Variants in CD2 observed in about 807,000 individuals in gnomAD.
CD2 encodes T-cell surface antigen CD2.
A neutral mutation model predicts 23.2 loss-of-function variants in CD2; 18 were observed. That is an observed-to-expected ratio of 0.77 (90% CI 0.54 to 1.15). The LOEUF (loss-of-function observed/expected upper bound fraction) is 1.15. Ranked by LOEUF, CD2 falls within the 50% of genes most tolerant of loss-of-function variation. The pLI is 0.00. For synonymous variants in CD2, 162 were observed against 151.9 expected, an observed-to-expected ratio of 1.07 and a Z score of -0.49; for missense variants, 424 against 423.1, an observed-to-expected ratio of 1.00 and a Z score of -0.02.
chr1:116,759,558 G>A (rs562788847), intron 2 of CD2, among the ~76,000 whole-genome samples: 135 of 152,290 alleles, frequency 8.9e-4, no homozygotes, highest in Non-Finnish European at 1.6e-3. Flanking sequence ...ATCTCTGTGC[G>A]GGAGAGGCAA....
At chr1:116,757,377 G>A (rs1389214489) in intron 2 of CD2, among the ~76,000 whole-genome samples, 5 of 152,086 alleles carry the variant, frequency 3.3e-5, no homozygotes, top group Admixed American at 3.3e-4. Context: ...AGGCAATGGA[G>A]GGCCCCTTAG....
At chr1:116,764,456 A>G (rs1211594701) in intron 3 of CD2, 28 bp from the exon 4 acceptor site, 2 of 1,611,358 alleles carry the variant, frequency 1.2e-6, no homozygotes, top group Non-Finnish European at 1.7e-6. Context: ...GACCCCTCCC[A>G]GCCATCCCAC....
chr1:116,762,550 C>T (rs1262829999), intron 3 of CD2, among the ~76,000 whole-genome samples: 3 of 152,092 alleles, frequency 2.0e-5, no homozygotes, highest in Admixed American at 1.3e-4. Flanking sequence ...TTCTGAAAGG[C>T]CAAGGCAGAG....
intron 2 of CD2, among the ~76,000 whole-genome samples, chr1:116,758,189 T>TA (rs1211770097): frequency 6.6e-6 from 1 of 152,158 alleles, no homozygotes; most frequent in East Asian, 1.9e-4. Context: ...TAATCTGCTT[T>TA]AAACTTTTAA....
chr1:116,755,822 G>C (rs567965544), intron 2 of CD2, among the ~76,000 whole-genome samples: 2 of 152,154 alleles, frequency 1.3e-5, no homozygotes, highest in African/African-American at 4.8e-5. Context: ...GGTAGAGAAA[G>C]TGGAATCGAA....
intron 2 of CD2, among the ~76,000 whole-genome samples, chr1:116,758,083 T>TTA (rs962600095): frequency 2.6e-5 from 4 of 151,436 alleles, no homozygotes; most frequent in Non-Finnish European, 5.9e-5. Flanking sequence ...ATTATATTAT[T>TTA]TATATATATA....
At chr1:116,756,348 G>A (rs1035661957) in intron 2 of CD2, among the ~76,000 whole-genome samples, 1 of 152,196 alleles carries the variant, frequency 6.6e-6, no homozygotes, top group African/African-American at 2.4e-5. Context: ...GTCGCATTTA[G>A]CATTGCGGCG....
intron 2 of CD2, among the ~76,000 whole-genome samples, chr1:116,759,580 T>C (rs1651968542): frequency 6.6e-6 from 1 of 152,220 alleles, no homozygotes; most frequent in Non-Finnish European, 1.5e-5. Flanking sequence ...AGGTTTGTGA[T>C]TATCGAATGC....
intron 3 of CD2, among the ~76,000 whole-genome samples, chr1:116,760,949 C>G: frequency 6.6e-6 from 1 of 152,130 alleles, no homozygotes; most frequent in African/African-American, 2.4e-5. Flanking sequence ...GCCCCATTTT[C>G]CAGAGAGGGA....
intron 2 of CD2, among the ~76,000 whole-genome samples, chr1:116,756,868 T>C (rs879941332): frequency 6.6e-6 from 1 of 152,164 alleles, no homozygotes; most frequent in Non-Finnish European, 1.5e-5. Context: ...GCTTTTCCAA[T>C]GACAACTTCA....
intron 4 of CD2, among the ~76,000 whole-genome samples, chr1:116,767,963 G>C (rs903164302): frequency 6.6e-6 from 1 of 152,186 alleles, no homozygotes; most frequent in African/African-American, 2.4e-5. Flanking sequence ...AGGACAAAAA[G>C]TTCCTTGCAT....
At chr1:116,762,162 G>A (rs1652075500) in intron 3 of CD2, among the ~76,000 whole-genome samples, 2 of 152,188 alleles carry the variant, frequency 1.3e-5, no homozygotes, top group Non-Finnish European at 2.9e-5. Context: ...GCCAGATATA[G>A]CAAATAAAAA....
At chr1:116,762,762 T>C (rs1239415332) in intron 3 of CD2, among the ~76,000 whole-genome samples, 1 of 152,218 alleles carries the variant, frequency 6.6e-6, no homozygotes, top group Non-Finnish European at 1.5e-5. Context: ...TATTTTTGAC[T>C]GACAGTGCCA....
rs759509803 is a variant in CD2, at chr1:116,760,476, G to T, written c.457G>T (p.Asp153Tyr). 1 of 1,614,174 alleles carries T rather than the reference G, an allele frequency of 6.2e-7. No individual in the cohort carries two copies. The highest frequency in any genetic ancestry group is 2.2e-5 in the East Asian group (1 of 44,884). ...TLTCEVMNGT[D>Y]PELNLYQDGK... ...GACCTGTGAGGTAATGAATGGAACT[G>T]ACCCCGAATTAAACCTGTATCAAGA... Residue 153 changes from aspartate to tyrosine, a missense_variant, in exon 3 of 5, where the codon GAC (aspartate) becomes TAC (tyrosine). Coordinates refer to ENST00000369478, the MANE Select transcript of CD2 (RefSeq NM_001767.5).
chr1:116,757,331 T>A (rs565554565), intron 2 of CD2, among the ~76,000 whole-genome samples: 41 of 152,214 alleles, frequency 2.7e-4, no homozygotes, highest in African/African-American at 8.9e-4. Flanking sequence ...TGTGCCTGCA[T>A]TTCCTTCATG....
chr1:116,755,115 C>T (rs76905055), intron 2 of CD2, 164 bp downstream of exon 2: 13 of 612,514 alleles, frequency 2.1e-5, no homozygotes, highest in Middle Eastern at 4.4e-4. Context: ...TGGTCCAATG[C>T]GGGAATGGGA....
At chr1:116,764,217 G>A (rs1267670531) in intron 3 of CD2, among the ~76,000 whole-genome samples, 1 of 152,128 alleles carries the variant, frequency 6.6e-6, no homozygotes, top group East Asian at 1.9e-4. Context: ...GGGGCAGTGG[G>A]CAGGCCGGCC....
At chr1:116,767,526 G>C (rs544256466) in intron 4 of CD2, among the ~76,000 whole-genome samples, 11 of 151,692 alleles carry the variant, frequency 7.3e-5, no homozygotes, top group Non-Finnish European at 1.6e-4. Context: ...GGGAGGCAGA[G>C]GCTGCAGTGA....
chr1:116,759,095 T>A (rs537115905), intron 2 of CD2, among the ~76,000 whole-genome samples: 3 of 152,176 alleles, frequency 2.0e-5, no homozygotes, highest in African/African-American at 7.2e-5. Flanking sequence ...AGAAAAAAAA[T>A]ATTTCCATTC....
Sources: allele counts gnomAD v4.1 joint callset (sites outside exome capture counted in the v4.1 genomes callset), GRCh38; gene constraint gnomAD v4.1.1; transcripts MANE v1.5; gene names NCBI Gene and HGNC (gene_info 2026-07-23, HGNC 2026-07-21).